The following NCKAP5 variants were observed in gnomAD, a reference collection of about 807,000 sequenced individuals.
The protein encoded by NCKAP5 is NCK associated protein 5, also known as nck-associated protein 5.
NCKAP5 carries 92 observed loss-of-function variants against 167.0 expected under a neutral mutation model. The observed-to-expected ratio is 0.55, with a 90% CI of 0.47 to 0.66. NCKAP5 has a LOEUF of 0.66. Ranked by LOEUF, NCKAP5 falls within the 30% of genes least tolerant of loss-of-function variation. The pLI is 0.00. For synonymous variants in NCKAP5, 891 were observed against 877.4 expected, an observed-to-expected ratio of 1.02 and a Z score of -0.27; for missense variants, 2,378 against 2,315.0, an observed-to-expected ratio of 1.03 and a Z score of -0.56.
chr2:133,488,227 T>C (rs1681083143), intron 3 of NCKAP5, among the ~76,000 whole-genome samples: 1 of 152,208 alleles, frequency 6.6e-6, no homozygotes, highest in African/African-American at 2.4e-5. Context: ...GGAGAAGTGT[T>C]TTTTGTTTGA....
chr2:132,819,343 T>C (rs1471430687), intron 11 of NCKAP5, among the ~76,000 whole-genome samples: 2 of 152,224 alleles, frequency 1.3e-5, no homozygotes, highest in Non-Finnish European at 2.9e-5. Context: ...AGCTTTCTTC[T>C]CATTGCCAAG....
At chr2:132,923,725 A>G (rs1695623095) in intron 8 of NCKAP5, among the ~76,000 whole-genome samples, 1 of 152,216 alleles carries the variant, frequency 6.6e-6, no homozygotes, top group African/African-American at 2.4e-5. Context: ...CAGATCTTTA[A>G]AGGTACTGTT....
intron 4 of NCKAP5, among the ~76,000 whole-genome samples, chr2:133,257,847 T>G (rs1428211540): frequency 6.6e-6 from 1 of 152,204 alleles, no homozygotes; most frequent in African/African-American, 2.4e-5. Flanking sequence ...ACCTTTATAC[T>G]GTGCCCACTC....
chr2:133,469,602 G>A (rs934293985), intron 3 of NCKAP5, among the ~76,000 whole-genome samples: 2 of 152,130 alleles, frequency 1.3e-5, no homozygotes, highest in South Asian at 2.1e-4. Flanking sequence ...ATCCTGCAGC[G>A]TGTTTTCCAA....
rs193109032 is a variant in NCKAP5, at chr2:133,306,813, A to G, written c.70-3703T>C. Among the ~76,000 whole-genome samples the G allele has an allele frequency of 1.9e-4, 29 of 152,320 alleles. 1 individual carries two copies. The highest frequency in any genetic ancestry group is 1.9e-3 in the Admixed American group (29 of 15,300). The stretch of plus-strand genomic sequence containing the variant: ...CATACAGATGAAAGTCTATTTCTCA[A>G]TATCTCATTTGGGAAACAATCAAAT... On this transcript the variant is annotated intron_variant, in intron 3 of 19. Coordinates refer to ENST00000409261, the MANE Select transcript of NCKAP5 (RefSeq NM_207363.3).
intron 19 of NCKAP5, among the ~76,000 whole-genome samples, chr2:132,691,286 C>T (rs1052577910): frequency 6.6e-6 from 1 of 152,164 alleles, no homozygotes; most frequent in Non-Finnish European, 1.5e-5. Flanking sequence ...CCCTTAGAAA[C>T]TGTAAATCAG....
At chr2:132,993,004 T>G (rs981427329) in intron 7 of NCKAP5, among the ~76,000 whole-genome samples, 1 of 152,138 alleles carries the variant, frequency 6.6e-6, no homozygotes, top group African/African-American at 2.4e-5. Flanking sequence ...CTTTGATACT[T>G]TTACTTGTAT....
the NCKAP5 span, among the ~76,000 whole-genome samples, chr2:133,613,712 A>T: frequency 6.6e-6 from 1 of 152,156 alleles, no homozygotes; most frequent in African/African-American, 2.4e-5. Flanking sequence ...GACTGGTTCT[A>T]GGCTGAGGCC....
At chr2:133,504,803 T>G (rs1196475270) in intron 3 of NCKAP5, among the ~76,000 whole-genome samples, 2 of 152,128 alleles carry the variant, frequency 1.3e-5, no homozygotes, top group Non-Finnish European at 2.9e-5. Context: ...CCCTGTTTCC[T>G]CTTTCCTTCT....
At position 133,118,471 on chromosome 2, in the gene NCKAP5, A is replaced by G. The variant is rs528378532; in HGVS notation, c.341+11507T>C. The G allele has an allele frequency of 1.1e-4, 16 of 152,334 alleles. No homozygotes were observed. In the East Asian group the frequency reaches 3.1e-3, roughly 29 times the overall value. 9.4% of individuals were successfully genotyped at this position (152,334 alleles called of 1,614,324 possible). A position where few individuals can be genotyped will look rare whatever the true frequency, so the allele number is the denominator to read the frequency against. On this transcript the variant is annotated intron_variant, in intron 6 of 19. Coordinates refer to ENST00000409261, the MANE Select transcript of NCKAP5 (RefSeq NM_207363.3). Reference sequence around the variant, plus strand: ...CACAGTGAGGGTTATTAAACGGTAGATTCAAACAGCAGCATGGTCCATCAG... The same window carrying G: ...CACAGTGAGGGTTATTAAACGGTAGGTTCAAACAGCAGCATGGTCCATCAG...
chr2:133,182,717 G>A (rs2084789373), intron 5 of NCKAP5, among the ~76,000 whole-genome samples: 1 of 151,850 alleles, frequency 6.6e-6, no homozygotes, highest in South Asian at 2.1e-4. Flanking sequence ...AACAGAAAAA[G>A]AACAACTAAA....
At chr2:133,581,958 G>A in the NCKAP5 span, among the ~76,000 whole-genome samples, 1 of 152,224 alleles carries the variant, frequency 6.6e-6, no homozygotes, top group African/African-American at 2.4e-5. Context: ...AATGGATCAA[G>A]AGGATGTATA....
rs932420889 is a variant in NCKAP5, at chr2:133,130,094, A to G, written c.225T>C (p.His75=). 11 of 1,609,826 alleles carry G rather than the reference A, an allele frequency of 6.8e-6. No individual in the cohort carries two copies. The highest frequency in any genetic ancestry group is 3.4e-5 in the Admixed American group (2 of 58,846). The change falls in exon 6 of 20, where the codon CAT becomes CAC. Residue 75 remains histidine (H), a synonymous_variant. Transcript: ENST00000409261. ...GTAAGTGTCTCTCCTCTTCCAGTTC[A>G]TGTATCAGCTTCTCATGCTATAAAA... is the stretch of plus-strand genomic sequence containing the variant. The part of the protein sequence containing the change: ...SEGAMHEKLI[H]ELEEERHLRL...
At chr2:133,024,108 A>G (rs773652805) in intron 6 of NCKAP5, among the ~76,000 whole-genome samples, 1 of 152,212 alleles carries the variant, frequency 6.6e-6, no homozygotes, top group Non-Finnish European at 1.5e-5. Context: ...TGACCCAAAT[A>G]GAATTGTGTG....
chr2:133,244,429 T>C (rs984395130), intron 4 of NCKAP5, among the ~76,000 whole-genome samples: 2 of 152,198 alleles, frequency 1.3e-5, no homozygotes, highest in African/African-American at 4.8e-5. Context: ...TACAATTTAT[T>C]GGTAGTATAG....
chr2:133,397,755 TA>T (rs1274624241), intron 3 of NCKAP5, among the ~76,000 whole-genome samples: 4 of 152,246 alleles, frequency 2.6e-5, no homozygotes, highest in African/African-American at 7.2e-5. Context: ...GTCTGAATGT[TA>T]CAACAATTTT....
At chr2:132,689,756 A>T (rs956108848) in intron 19 of NCKAP5, among the ~76,000 whole-genome samples, 1 of 152,124 alleles carries the variant, frequency 6.6e-6, no homozygotes, top group Non-Finnish European at 1.5e-5. Flanking sequence ...TTGAGATGAA[A>T]GCTATCTTGC....
At chr2:133,229,392 A>C (rs2087040605) in intron 4 of NCKAP5, among the ~76,000 whole-genome samples, 1 of 152,182 alleles carries the variant, frequency 6.6e-6, no homozygotes, top group South Asian at 2.1e-4. Flanking sequence ...AGCCAACAAA[A>C]AGCCACTTCC....
chr2:133,327,623 T>C (rs1682543912), intron 3 of NCKAP5, among the ~76,000 whole-genome samples: 1 of 152,148 alleles, frequency 6.6e-6, no homozygotes, highest in South Asian at 2.1e-4. Context: ...ACCCTGTCCA[T>C]CTAGGATGTA....
Sources: allele counts gnomAD v4.1 joint callset (sites outside exome capture counted in the v4.1 genomes callset), GRCh38; gene constraint gnomAD v4.1.1; transcripts MANE v1.5; gene names NCBI Gene and HGNC (gene_info 2026-07-23, HGNC 2026-07-21).